ARMC7: variants seen among roughly 807,000 people sequenced by gnomAD.
ARMC7 encodes armadillo repeat containing 7.
Under a neutral mutation model 14.8 loss-of-function variants are expected in ARMC7, and 9 were observed. The observed-to-expected ratio is 0.61, with a 90% CI of 0.37 to 1.06. ARMC7 has a LOEUF of 1.06. Among genes scored for constraint, ARMC7 ranks in the 50% least tolerant of loss-of-function variants. The pLI is 0.01. For synonymous variants in ARMC7, 125 were observed against 123.4 expected, an observed-to-expected ratio of 1.01 and a Z score of -0.09; for missense variants, 262 against 267.1, an observed-to-expected ratio of 0.98 and a Z score of 0.13.
At chr17:75,125,328 C>A (rs1423287396) in intron 2 of ARMC7, among the ~76,000 whole-genome samples, 1 of 152,144 alleles carries the variant, frequency 6.6e-6, no homozygotes, top group Non-Finnish European at 1.5e-5. Flanking sequence ...AGTCGGGTAT[C>A]CCAGGAAGAC....
At position 75,110,178 on chromosome 17, in the gene ARMC7, C is replaced by A; in HGVS notation, c.-111C>A. Reference sequence around the variant, plus strand: ...CAGGAAAGAAACCCATTTGCCGACCCCCTCTTCCCTCTCCAGACAGGTGGA... The same window carrying A: ...CAGGAAAGAAACCCATTTGCCGACCACCTCTTCCCTCTCCAGACAGGTGGA... On this transcript the variant is annotated 5_prime_UTR_variant, in exon 1 of 3. Transcript: ENST00000245543. 9.5e-7 allele frequency: 1 copy of A among 1,055,666 alleles called. No homozygotes were observed. The highest frequency in any genetic ancestry group is 1.3e-6 in the Non-Finnish European group (1 of 749,396). 65.4% of individuals were successfully genotyped at this position (1,055,666 alleles called of 1,614,324 possible). A position where few individuals can be genotyped will look rare whatever the true frequency, so the allele number is the denominator to read the frequency against.
intron 2 of ARMC7, among the ~76,000 whole-genome samples, chr17:75,119,763 C>T (rs2074000530): frequency 6.6e-6 from 1 of 152,008 alleles, no homozygotes; most frequent in Admixed American, 6.6e-5. Flanking sequence ...GCCCAGCCTG[C>T]TGTGAAGACT....
intron 2 of ARMC7, among the ~76,000 whole-genome samples, chr17:75,125,069 G>A (rs1238080684): frequency 6.6e-6 from 1 of 152,200 alleles, no homozygotes; most frequent in Non-Finnish European, 1.5e-5. Context: ...GGGCCTGCTT[G>A]CCCTCTGCTG....
At chr17:75,112,433 C>T (rs375748635) in intron 2 of ARMC7, among the ~76,000 whole-genome samples, 8 of 152,294 alleles carry the variant, frequency 5.3e-5, no homozygotes, top group East Asian at 1.9e-4. Context: ...CTGGCCAACA[C>T]GCGCGTAGTC....
At chr17:75,117,402 G>A (rs1029949171) in intron 2 of ARMC7, among the ~76,000 whole-genome samples, 11 of 152,274 alleles carry the variant, frequency 7.2e-5, no homozygotes, top group Admixed American at 3.9e-4. Context: ...ATTGTGGGGC[G>A]ACAAGCAAGA....
At chr17:75,116,860 C>T (rs2145123197) in intron 2 of ARMC7, among the ~76,000 whole-genome samples, 1 of 152,340 alleles carries the variant, frequency 6.6e-6, no homozygotes, top group Non-Finnish European at 1.5e-5. Context: ...AGGCTTCCTT[C>T]CGTCTGTCCC....
At chr17:75,113,428 C>T (rs375178025) in intron 2 of ARMC7, among the ~76,000 whole-genome samples, 11 of 151,480 alleles carry the variant, frequency 7.3e-5, no homozygotes, top group South Asian at 4.2e-4. Flanking sequence ...GATCTCGGCT[C>T]ACTGCAAGCT....
intron 2 of ARMC7, among the ~76,000 whole-genome samples, chr17:75,125,333 G>C (rs975702162): frequency 6.6e-6 from 1 of 152,178 alleles, no homozygotes; most frequent in Non-Finnish European, 1.5e-5. Context: ...GGTATCCCAG[G>C]AAGACGCCAC....
At chr17:75,124,770 C>T (rs2074039315) in intron 2 of ARMC7, among the ~76,000 whole-genome samples, 1 of 151,726 alleles carries the variant, frequency 6.6e-6, no homozygotes, top group Admixed American at 6.6e-5. Flanking sequence ...GCGTTTTGGG[C>T]AGCTCACTCA....
chr17:75,117,774 T>C (rs920089245), intron 2 of ARMC7, among the ~76,000 whole-genome samples: 3 of 152,022 alleles, frequency 2.0e-5, no homozygotes, highest in African/African-American at 7.2e-5. Flanking sequence ...GCCAGGGGAA[T>C]TGTTTGTTGA....
intron 2 of ARMC7, among the ~76,000 whole-genome samples, chr17:75,115,474 G>A (rs958452648): frequency 2.5e-4 from 38 of 152,002 alleles, no homozygotes; most frequent in African/African-American, 8.9e-4. Context: ...GGAGACAGAG[G>A]TTGCAGTGAG....
intron 2 of ARMC7, chr17:75,114,942 T>C (rs1462617560): frequency 2.6e-6 from 1 of 381,850 alleles, no homozygotes; most frequent in African/African-American, 2.1e-5. Context: ...CGACAGGCAC[T>C]TATTCTGCTG....
At position 75,110,318 on chromosome 17, in the gene ARMC7, C is replaced by T. The variant is rs1355755722; in HGVS notation, c.30C>T (p.His10=). 2 of 1,613,432 alleles carry T rather than the reference C, an allele frequency of 1.2e-6. No homozygotes were observed. Among genetic ancestry groups the T allele is most frequent in the African/African-American group, 1.3e-5 (1 of 75,054 alleles). Residue 10 remains histidine (H), a synonymous_variant, in exon 1 of 3, where the codon CAC becomes CAT. Coordinates refer to ENST00000245543, the MANE Select transcript of ARMC7 (RefSeq NM_024585.4). ...CCCAGAAGCCGAAGGTGGACCCCCA[C>T]GTCGGGCGGCTGGGATACCTGCAGG... MAQKPKVDP[H]VGRLGYLQAL...
intron 2 of ARMC7, among the ~76,000 whole-genome samples, chr17:75,116,606 CAA>C (rs1484155542): frequency 2.6e-5 from 4 of 152,162 alleles, no homozygotes; most frequent in Non-Finnish European, 5.9e-5. Context: ...GCCTGGGCAA[CAA>C]GAGTGAAACT....
intron 2 of ARMC7, among the ~76,000 whole-genome samples, chr17:75,128,406 GGGA>G (rs1568019872): frequency 1.3e-5 from 2 of 151,724 alleles, no homozygotes; most frequent in African/African-American, 4.8e-5. Flanking sequence ...TTTAAGAAAG[GGGA>G]AAAAAAAAGC....
chr17:75,120,939 A>C (rs1405611053), intron 2 of ARMC7, among the ~76,000 whole-genome samples: 1 of 152,176 alleles, frequency 6.6e-6, no homozygotes, highest in East Asian at 1.9e-4. Flanking sequence ...GCAGCTCCTA[A>C]ACCAAGACGT....
At chr17:75,124,662 CG>C (rs1419257903) in intron 2 of ARMC7, among the ~76,000 whole-genome samples, 1 of 151,676 alleles carries the variant, frequency 6.6e-6, no homozygotes, top group Non-Finnish European at 1.5e-5. Context: ...AGGCTGGATT[CG>C]TTGTCCTTAC....
intron 2 of ARMC7, among the ~76,000 whole-genome samples, chr17:75,126,592 T>TG (rs1051092942): frequency 1.5e-4 from 23 of 152,002 alleles, no homozygotes; most frequent in Admixed American, 6.6e-4. Flanking sequence ...TTTTTGTTTT[T>TG]TTTTTTTGAG....
chr17:75,114,598 G>C lies in ARMC7; in HGVS notation c.235+3992G>C, dbSNP rs575082360. The C allele has an allele frequency of 1.3e-5, 5 of 395,420 alleles. No individual in the cohort carries two copies. The South Asian group carries it at 6.9e-4, about 55-fold the overall frequency. 24.5% of individuals were successfully genotyped at this position (395,420 alleles called of 1,614,324 possible). On this transcript the variant is annotated intron_variant, in intron 2 of 2. Coordinates refer to ENST00000245543, the MANE Select transcript of ARMC7 (RefSeq NM_024585.4). ...CCTTGCCTGCGTCGCAAGCAGTTGT[G>C]GGAGCAGAAGTGTGTCTGTGCATCT...
Sources: allele counts gnomAD v4.1 joint callset (sites outside exome capture counted in the v4.1 genomes callset), GRCh38; gene constraint gnomAD v4.1.1; transcripts MANE v1.5; gene names NCBI Gene and HGNC (gene_info 2026-07-23, HGNC 2026-07-21).